The following TMEM117 variants were observed in gnomAD, a reference collection of about 807,000 sequenced individuals.
TMEM117 encodes the protein transmembrane protein 117.
In TMEM117, 27 loss-of-function variants were observed where a neutral mutation model predicts 52.4. The observed-to-expected ratio is 0.51, with a 90% confidence interval of 0.38 to 0.71. The LOEUF (loss-of-function observed/expected upper bound fraction) is 0.71. Among genes scored for constraint, TMEM117 ranks in the 30% least tolerant of loss-of-function variants. The probability of loss-of-function intolerance (pLI) is 0.00; values close to 1 mark genes in which losing one functional copy is unlikely to be tolerated. For synonymous variants in TMEM117, 215 were observed against 206.3 expected (o/e 1.04, Z -0.36); for missense variants, 556 against 630.5 (o/e 0.88, Z 1.26).
intron 3 of TMEM117, among the ~76,000 whole-genome samples, chr12:44,076,110 A>C (rs1247878095): frequency 6.6e-6 from 1 of 152,240 alleles, no homozygotes; most frequent in Admixed American, 6.5e-5. Flanking sequence ...GATGCCAGGT[A>C]GTACCTCAGG....
At chr12:44,371,304 GAAAT>G (rs1274241867) in intron 6 of TMEM117, among the ~76,000 whole-genome samples, 1 of 152,066 alleles carries the variant, frequency 6.6e-6, no homozygotes, top group Non-Finnish European at 1.5e-5. Flanking sequence ...AACATAGAAA[GAAAT>G]AAATATATCT....
At position 44,266,512 on chromosome 12, in the gene TMEM117, T is replaced by G. The variant is rs1592651451; in HGVS notation, c.609-33068T>G. Among the ~76,000 whole-genome samples, 3 of 152,180 alleles carry G rather than the reference T, an allele frequency of 2.0e-5. 1 individual carries two copies. Among genetic ancestry groups the G allele is most frequent in the Admixed American group, 2.0e-4 (3 of 15,264 alleles). Reference sequence around the variant, plus strand: ...GAGTTGTAAGAGTTTTTATATATTCTGCATATAAGGCACATATCTGATAAG... The same window carrying G: ...GAGTTGTAAGAGTTTTTATATATTCGGCATATAAGGCACATATCTGATAAG... On this transcript the variant is annotated intron_variant, in intron 5 of 7. Coordinates refer to ENST00000266534, the MANE Select transcript of TMEM117 (RefSeq NM_032256.3).
At chr12:44,348,077 C>T (rs933487174) in intron 6 of TMEM117, among the ~76,000 whole-genome samples, 2 of 151,914 alleles carry the variant, frequency 1.3e-5, no homozygotes, top group Non-Finnish European at 2.9e-5. Context: ...GCTGAGGGAC[C>T]TTTAAGGGTA....
intron 5 of TMEM117, among the ~76,000 whole-genome samples, chr12:44,269,877 C>G (rs1310854584): frequency 6.6e-6 from 1 of 151,996 alleles, no homozygotes; most frequent in Non-Finnish European, 1.5e-5. Flanking sequence ...TTACAGATAT[C>G]ATCTCTGGAT....
chr12:44,095,189 C>T (rs1239286967), intron 3 of TMEM117, among the ~76,000 whole-genome samples: 1 of 152,110 alleles, frequency 6.6e-6, no homozygotes, highest in Non-Finnish European at 1.5e-5. Context: ...ATGCATATTA[C>T]ACAAGCATGT....
rs1215730936 is a variant in TMEM117 at position 44,152,432 on chromosome 12, A to G, written c.510+8808A>G. The stretch of plus-strand genomic sequence containing the variant: ...CATATATAAATTTCTATATTTATAT[A>G]TTATATTTATATAATATAAAAATTT... On this transcript the variant is annotated intron_variant, in intron 4 of 7. Coordinates refer to ENST00000266534, the MANE Select transcript of TMEM117 (RefSeq NM_032256.3). 3.8e-4 allele frequency among the ~76,000 whole-genome samples: 44 copies of G among 115,226 alleles called. 1 individual carries two copies. Among genetic ancestry groups the G allele is most frequent in the Non-Finnish European group, 5.9e-4 (37 of 62,468 alleles). 75.6% of individuals were successfully genotyped at this position (115,226 alleles called of 152,430 possible).
the TMEM117 span, among the ~76,000 whole-genome samples, chr12:43,802,652 T>G: frequency 0.014 from 2,065 of 152,276 alleles, 38 homozygotes; most frequent in African/African-American, 0.048. Context: ...ACTGTTAACT[T>G]TTTATGAACA....
At chr12:44,089,425 C>G (rs1276524938) in intron 3 of TMEM117, among the ~76,000 whole-genome samples, 2 of 152,116 alleles carry the variant, frequency 1.3e-5, no homozygotes, top group Non-Finnish European at 2.9e-5. Flanking sequence ...AGGAGAAAGT[C>G]TCTGTTTCTT....
At chr12:44,121,448 G>C (rs552919909) in intron 3 of TMEM117, among the ~76,000 whole-genome samples, 1 of 152,052 alleles carries the variant, frequency 6.6e-6, no homozygotes, top group East Asian at 1.9e-4. Flanking sequence ...CCAAGTCAGC[G>C]TAAAGATGAC....
At chr12:43,937,381 A>G (rs1944968352) in intron 2 of TMEM117, among the ~76,000 whole-genome samples, 1 of 152,194 alleles carries the variant, frequency 6.6e-6, no homozygotes. Flanking sequence ...CTGGATCATG[A>G]TTGTGTAGTG....
intron 6 of TMEM117, among the ~76,000 whole-genome samples, chr12:44,360,084 C>T (rs762394233): frequency 2.0e-5 from 3 of 152,114 alleles, no homozygotes; most frequent in East Asian, 1.9e-4. Flanking sequence ...TTTTAATTTA[C>T]ATGGTCAAAT....
At chr12:43,808,503 T>A in the TMEM117 span, among the ~76,000 whole-genome samples, 1 of 152,140 alleles carries the variant, frequency 6.6e-6, no homozygotes, top group Non-Finnish European at 1.5e-5. Context: ...GAATTCCTAC[T>A]TTTTACAGTT....
rs1417438742 is a variant in TMEM117, at chr12:44,389,131, A to C, written c.*459A>C. 6.3e-6 allele frequency: 1 copy of C among 159,016 alleles called. No individual in the cohort carries two copies. The highest frequency in any genetic ancestry group is 1.4e-5 in the Non-Finnish European group (1 of 71,382). 9.9% of individuals were successfully genotyped at this position (159,016 alleles called of 1,614,324 possible). Reference sequence around the variant, plus strand: ...AGAAATAGCTAAATGTGACTCAGGAAGTATCTCTTGGTTTCTTATTCAGCA... The same window carrying C: ...AGAAATAGCTAAATGTGACTCAGGACGTATCTCTTGGTTTCTTATTCAGCA... On this transcript the variant is annotated 3_prime_UTR_variant, in exon 8 of 8. Transcript: ENST00000266534.
chr12:44,045,760 T>A (rs554400867), intron 3 of TMEM117, among the ~76,000 whole-genome samples: 68 of 152,220 alleles, frequency 4.5e-4, no homozygotes, highest in African/African-American at 1.5e-3. Context: ...GGAGAATCCC[T>A]TGAACCTGAG....
chr12:43,820,079 CAG>C, the TMEM117 span, among the ~76,000 whole-genome samples: 1 of 152,056 alleles, frequency 6.6e-6, no homozygotes, highest in Non-Finnish European at 1.5e-5. Context: ...TAGCTCTTAA[CAG>C]GGTGTAATTA....
intron 2 of TMEM117, among the ~76,000 whole-genome samples, chr12:43,895,482 T>G (rs902852244): frequency 6.6e-6 from 1 of 152,204 alleles, no homozygotes; most frequent in Non-Finnish European, 1.5e-5. Context: ...TCTTGTTATA[T>G]TTGAATAGTT....
chr12:44,383,843 G>A (rs991930455), intron 7 of TMEM117, among the ~76,000 whole-genome samples: 2 of 152,062 alleles, frequency 1.3e-5, no homozygotes, highest in Admixed American at 1.3e-4. Flanking sequence ...TTTCTCAGAA[G>A]ATACAATTTT....
chr12:44,259,818 G>A lies in TMEM117; in HGVS notation c.609-39762G>A, dbSNP rs116719184. Among the ~76,000 whole-genome samples the A allele has an allele frequency of 2.3e-3, 349 of 152,230 alleles. 1 individual carries two copies. The highest frequency in any genetic ancestry group is 6.8e-3 in the African/African-American group (281 of 41,552). ...TATTTTTAAAAAGCAACAAGAACTC[G>A]TTATAAAATTATTTGTAACCTGGCC... is the stretch of plus-strand genomic sequence containing the variant. On this transcript the variant is annotated intron_variant, in intron 5 of 7. Coordinates refer to ENST00000266534, the MANE Select transcript of TMEM117 (RefSeq NM_032256.3).
intron 5 of TMEM117, among the ~76,000 whole-genome samples, chr12:44,278,160 T>A (rs984065347): frequency 2.6e-5 from 4 of 152,174 alleles, no homozygotes; most frequent in African/African-American, 9.7e-5. Context: ...GAAATCTTAA[T>A]TAATGCTGCA....
Sources: allele counts gnomAD v4.1 joint callset (sites outside exome capture counted in the v4.1 genomes callset), GRCh38; gene constraint gnomAD v4.1.1; transcripts MANE v1.5; gene names NCBI Gene and HGNC (gene_info 2026-07-23, HGNC 2026-07-21).